Variants in CACNG7 observed in about 807,000 individuals in gnomAD.
CACNG7 encodes voltage-dependent calcium channel gamma-7 subunit.
A neutral mutation model predicts 26.3 loss-of-function variants in CACNG7; 9 were observed. The observed-to-expected ratio is 0.34, with a 90% CI of 0.21 to 0.60. The LOEUF (loss-of-function observed/expected upper bound fraction) is 0.60, where lower values mean the gene tolerates loss of function less well. Among genes scored for constraint, CACNG7 ranks in the 20% least tolerant of loss-of-function variants. The probability of loss-of-function intolerance (pLI) is 0.81; values close to 1 mark genes in which losing one functional copy is unlikely to be tolerated. For missense variants in CACNG7, 297 were observed against 380.4 expected (o/e 0.78, Z 1.82); for synonymous variants, 170 against 157.0 (o/e 1.08, Z -0.62).
rs35018163 is a variant in CACNG7, at chr19:53,923,812, G to C, written c.424+8307G>C. Among the ~76,000 whole-genome samples the C allele has an allele frequency of 4.9e-3, 468 of 95,368 alleles. 3 individuals carry two copies. Among genetic ancestry groups the C allele is most frequent in the African/African-American group, 9.1e-3 (170 of 18,756 alleles). 62.6% of individuals were successfully genotyped at this position (95,368 alleles called of 152,430 possible). A position where few individuals can be genotyped will look rare whatever the true frequency, so the allele number is the denominator to read the frequency against. On this transcript the variant is annotated intron_variant, in intron 4 of 5. Transcript: ENST00000391767. ...GTTGCCCCAGGTCTGGTCATTGGTG[G>C]AGTTGCCCCAGGTCTGGTCATTGGT...
In CACNG7 at chr19:53,939,992, T is replaced by C. The variant is rs1429386697; in HGVS notation, c.425-1478T>C. Among the ~76,000 whole-genome samples the C allele has an allele frequency of 2.0e-5, 3 of 152,158 alleles. No individual in the cohort carries two copies. Among genetic ancestry groups the C allele is most frequent in the Non-Finnish European group, 2.9e-5 (2 of 68,032 alleles). ...TGAGCTGGGTTTCGTCCATGGACCA[T>C]GGTTTGCCGACCACCGGTGTAGACA... On this transcript the variant is annotated intron_variant, in intron 4 of 5. Transcript: ENST00000391767. The surrounding 1 kb of genome is among the most constrained non-coding windows in gnomAD (Gnocchi z 4.2).
At chr19:53,924,783 CTTGCCTAGTGCTGGTCATTGGT>C (rs2069009798) in intron 4 of CACNG7, among the ~76,000 whole-genome samples, 1 of 119,882 alleles carries the variant, frequency 8.3e-6, no homozygotes. Context: ...CATTGGTGGA[CTTGCCTAGTGCTGGTCATTGGT>C]GGACTTGCCC....
rs1380511351 is a variant in CACNG7 at position 53,942,576 on chromosome 19, C to T, written c.*283C>T. On this transcript the variant is annotated 3_prime_UTR_variant, in exon 6 of 6. Coordinates refer to ENST00000391767, the MANE Select transcript of CACNG7 (RefSeq NM_031896.5). This position sits in a 1 kb window ranked among gnomAD's most constrained non-coding sequence, Gnocchi z 5.9. ...CCCCTTTCCTCTGGCCCCTCCTCTC[C>T]AAGAAAATTAGCTCCTCCCTCGTTC... The T allele has an allele frequency of 4.5e-6, 6 of 1,327,508 alleles. No homozygotes were observed. In the Admixed American group the frequency reaches 1.0e-4, roughly 23 times the overall value. 82.2% of individuals were successfully genotyped at this position (1,327,508 alleles called of 1,614,324 possible). A position where few individuals can be genotyped will look rare whatever the true frequency, so the allele number is the denominator to read the frequency against.
rs2068848585 is a variant in CACNG7, at chr19:53,909,442, G to A, written c.-105G>A. 3.3e-5 allele frequency: 5 copies of A among 149,808 alleles called. No homozygotes were observed. The South Asian group carries it at 8.9e-4, about 27-fold the overall frequency. 9.3% of individuals were successfully genotyped at this position (149,808 alleles called of 1,614,324 possible). On this transcript the variant is annotated 5_prime_UTR_variant, in exon 1 of 6. Coordinates refer to ENST00000391767, the MANE Select transcript of CACNG7 (RefSeq NM_031896.5). The surrounding 1 kb of genome is among the most constrained non-coding windows in gnomAD (Gnocchi z 5.1). ...CGGCGACCCCGGTGGCGGCGGCGGC[G>A]GCCGGGGGAAGCCTCGGGGCCGGTC... is the stretch of plus-strand genomic sequence containing the variant.
In CACNG7 at chr19:53,909,371, G is replaced by A. The variant is rs2068847791; in HGVS notation, c.-176G>A. 6.7e-6 allele frequency: 1 copy of A among 149,534 alleles called. No homozygotes were observed. The highest frequency in any genetic ancestry group is 2.4e-5 in the African/African-American group (1 of 41,058). The allele number at this position is 149,534 out of a possible 1,614,324, so 9.3% of individuals were successfully genotyped here. Reference sequence around the variant, plus strand: ...GGGTGGGGGGTGGGAGGCCGGGAGGGGGCCGGGACGCCGGGCTCCGGGGCG... The same window carrying A: ...GGGTGGGGGGTGGGAGGCCGGGAGGAGGCCGGGACGCCGGGCTCCGGGGCG... On this transcript the variant is annotated 5_prime_UTR_variant, in exon 1 of 6. Transcript: ENST00000391767. The surrounding 1 kb of genome is among the most constrained non-coding windows in gnomAD (Gnocchi z 5.1).
At chr19:53,913,183 G>T (rs2068871800) in intron 2 of CACNG7, among the ~76,000 whole-genome samples, 156 bp downstream of exon 2, 1 of 152,028 alleles carries the variant, frequency 6.6e-6, no homozygotes. Context: ...CCAGTGACTA[G>T]CCCTTTATTC....
At chr19:53,925,695 C>T (rs1026211437) in intron 4 of CACNG7, among the ~76,000 whole-genome samples, 1 of 152,208 alleles carries the variant, frequency 6.6e-6, no homozygotes, top group Non-Finnish European at 1.5e-5. Flanking sequence ...GTCACAGCTG[C>T]GCATTAAATG....
At chr19:53,916,299 C>T (rs1189320459) in intron 4 of CACNG7, among the ~76,000 whole-genome samples, 4 of 152,088 alleles carry the variant, frequency 2.6e-5, no homozygotes, top group African/African-American at 7.2e-5. Flanking sequence ...CTCCTAACAT[C>T]GCTACCCAGG....
chr19:53,921,686 T>C (rs1329104553), intron 4 of CACNG7, among the ~76,000 whole-genome samples: 13 of 103,532 alleles, frequency 1.3e-4, no homozygotes, highest in African/African-American at 2.1e-4. Context: ...ATTGGTGGAC[T>C]TGCCCCAGGT....
In CACNG7 at chr19:53,914,515, G is replaced by T. The variant is rs974853883; in HGVS notation, c.212G>T (p.Arg71Leu). 2 of 1,614,074 alleles carry T rather than the reference G, an allele frequency of 1.2e-6. No individual in the cohort carries two copies. Among genetic ancestry groups the T allele is most frequent in the Non-Finnish European group, 1.7e-6 (2 of 1,180,006 alleles). Residue 71 changes from arginine to leucine, a missense_variant, in exon 3 of 6, where the codon CGC (arginine) becomes CTC (leucine). Transcript: ENST00000391767. ...TTCCCCCCAGGTCGGGAGAAAGGTCGCTGTGTGGCCTCAGAATATTTTCTT... is the reference window on the plus strand; with the variant it reads ...TTCCCCCCAGGTCGGGAGAAAGGTCTCTGTGTGGCCTCAGAATATTTTCTT... ...VCFFAGREKG[R>L]CVASEYFLEP...
Position 53,917,887 on chromosome 19 carries a change from A to T in CACNG7, c.424+2382A>T, listed in dbSNP as rs77412732. On this transcript the variant is annotated intron_variant, in intron 4 of 5. Coordinates refer to ENST00000391767, the MANE Select transcript of CACNG7 (RefSeq NM_031896.5). ...GGAATCTAGGGTATTCTGATTCCTAAATCCATGCTTATACCACCCACTGCA... is the reference window on the plus strand; with the variant it reads ...GGAATCTAGGGTATTCTGATTCCTATATCCATGCTTATACCACCCACTGCA... Among the ~76,000 whole-genome samples, 876 of 152,292 alleles carry T rather than the reference A, an allele frequency of 5.8e-3. 12 individuals carry two copies. The highest frequency in any genetic ancestry group is 0.021 in the African/African-American group (852 of 41,554).
At chr19:53,914,228 C>A (rs1289071328) in intron 2 of CACNG7, among the ~76,000 whole-genome samples, 1 of 147,646 alleles carries the variant, frequency 6.8e-6, no homozygotes, top group Non-Finnish European at 1.5e-5. Context: ...GAGCCGAGAT[C>A]GTGCCACTGC....
intron 4 of CACNG7, among the ~76,000 whole-genome samples, chr19:53,930,604 A>T (rs2069065346): frequency 6.6e-6 from 1 of 152,014 alleles, no homozygotes; most frequent in Non-Finnish European, 1.5e-5. Flanking sequence ...TGAACTCCTG[A>T]CCTCATGATC....
intron 4 of CACNG7, among the ~76,000 whole-genome samples, chr19:53,934,337 G>A (rs952870428): frequency 5.3e-5 from 8 of 152,228 alleles, no homozygotes; most frequent in Admixed American, 5.2e-4. Flanking sequence ...AAAGTCAGAG[G>A]TGCCGCTGCA....
rs773761718 is a variant in CACNG7, at chr19:53,912,851, G to A, written c.20G>A (p.Arg7His). 3.1e-6 allele frequency: 5 copies of A among 1,613,084 alleles called. No individual in the cohort carries two copies. The highest frequency in any genetic ancestry group is 1.3e-5 in the African/African-American group (1 of 75,024). Residue 7 changes from arginine (R) to histidine (H), a missense_variant, in exon 2 of 6, where the codon CGC (arginine) becomes CAC (histidine). Transcript: ENST00000391767. The surrounding 1 kb of genome is among the most constrained non-coding windows in gnomAD (Gnocchi z 4.6). MSHCSS[R>H]ALTLLSSVFG... ...CTGAGGATGAGTCACTGCAGCAGCC[G>A]CGCCCTGACCCTGCTGAGCAGCGTG...
chr19:53,938,547 T>C (rs1255034923), intron 4 of CACNG7, among the ~76,000 whole-genome samples: 1 of 152,208 alleles, frequency 6.6e-6, no homozygotes, highest in Admixed American at 6.6e-5. Flanking sequence ...CTCAGCCTTG[T>C]GGTTGTAGCA....
At position 53,942,213 on chromosome 19, in the gene CACNG7, G is replaced by C; in HGVS notation, c.748G>C (p.Val250Leu). 6.2e-7 allele frequency: 1 copy of C among 1,614,010 alleles called. No homozygotes were observed. The highest frequency in any genetic ancestry group is 8.5e-7 in the Non-Finnish European group (1 of 1,179,958). The change falls in exon 6 of 6, where the codon GTG (valine) becomes CTG (leucine). Residue 250 changes from valine to leucine, a missense_variant. By Grantham distance (32) the Val-to-Leu change is conservative. Coordinates refer to ENST00000391767, the MANE Select transcript of CACNG7 (RefSeq NM_031896.5). This position sits in a 1 kb window ranked among gnomAD's most constrained non-coding sequence, Gnocchi z 5.9. ...GRSPSDISSD[V>L]SIQMTQNYPP... Reference sequence around the variant, plus strand: ...GAGCCCCTCCGACATCTCCAGCGACGTGTCCATCCAAATGACGCAGAACTA... The same window carrying C: ...GAGCCCCTCCGACATCTCCAGCGACCTGTCCATCCAAATGACGCAGAACTA...
chr19:53,939,504 G>A lies in CACNG7; in HGVS notation c.425-1966G>A, dbSNP rs918985787. Among the ~76,000 whole-genome samples the A allele has an allele frequency of 6.6e-6, 1 of 152,160 alleles. No individual in the cohort carries two copies. Among genetic ancestry groups the A allele is most frequent in the African/African-American group, 2.4e-5 (1 of 41,506 alleles). On this transcript the variant is annotated intron_variant, in intron 4 of 5. Transcript: ENST00000391767. The surrounding 1 kb of genome is among the most constrained non-coding windows in gnomAD (Gnocchi z 4.2). ...CTGTCTCTGTGGATTTGCCTATTCTGGACATTGCATATAAATGGAATCACA... is the reference window on the plus strand; with the variant it reads ...CTGTCTCTGTGGATTTGCCTATTCTAGACATTGCATATAAATGGAATCACA...
intron 4 of CACNG7, among the ~76,000 whole-genome samples, chr19:53,925,557 C>T (rs1477263191): frequency 6.6e-6 from 1 of 150,618 alleles, no homozygotes; most frequent in East Asian, 1.9e-4. Flanking sequence ...GTGGACTTGC[C>T]CCAGGTCTGG....
Sources: gnomAD v4.1 joint callset for allele counts (sites outside exome capture counted in the v4.1 genomes callset) on GRCh38, gnomAD v4.1.1 for gene constraint, Gnocchi (gnomAD v3.1) non-coding constraint, MANE v1.5 for transcripts, NCBI Gene and HGNC (gene_info 2026-07-23, HGNC 2026-07-21) for gene names.